Variants in ZFAND3 observed in about 807,000 individuals in gnomAD.
ZFAND3 encodes AN1-type zinc finger protein 3.
In ZFAND3, 10 loss-of-function variants were observed where a neutral mutation model predicts 29.6. The ratio of observed to expected loss-of-function variants is 0.34; its 90% CI spans 0.21 to 0.57. The LOEUF (loss-of-function observed/expected upper bound fraction) is 0.57. Among genes scored for constraint, ZFAND3 ranks in the 20% least tolerant of loss-of-function variants. The pLI is 0.86. For synonymous variants in ZFAND3, 128 were observed against 112.6 expected (o/e 1.14, Z -0.87); for missense variants, 230 against 304.5 (o/e 0.76, Z 1.82).
At chr6:38,145,767 A>AATG (rs1766092526) in intron 5 of ZFAND3, among the ~76,000 whole-genome samples, 2 of 152,186 alleles carry the variant, frequency 1.3e-5, no homozygotes, top group Admixed American at 1.3e-4. Context: ...ATGGGTCATT[A>AATG]GGGCCATAGG....
intron 2 of ZFAND3, among the ~76,000 whole-genome samples, chr6:38,000,984 A>G (rs1446953127): frequency 6.6e-6 from 1 of 152,224 alleles, no homozygotes. Context: ...TGAGAAAATT[A>G]TAGGCACTGG....
At chr6:37,825,969 A>G (rs1763753091) in intron 1 of ZFAND3, among the ~76,000 whole-genome samples, 1 of 152,218 alleles carries the variant, frequency 6.6e-6, no homozygotes, top group Non-Finnish European at 1.5e-5. Context: ...GAATTCTTGC[A>G]ATAATCACAG....
intron 2 of ZFAND3, among the ~76,000 whole-genome samples, chr6:37,977,828 T>TTTCCTTCCTTCGTTCCTTCCTTCC: frequency 1.3e-5 from 1 of 76,444 alleles, no homozygotes; most frequent in South Asian, 4.6e-4. Flanking sequence ...GTAAAATGCT[T>TTTCCTTCCTTCGTTCCTTCCTTCC]TTCCTTCCTT....
intron 2 of ZFAND3, among the ~76,000 whole-genome samples, chr6:38,012,470 C>T (rs182624928): frequency 3.3e-4 from 50 of 151,738 alleles, no homozygotes; most frequent in African/African-American, 1.2e-3. Context: ...CCTCCGCCTC[C>T]CGGGTTCAAG....
Position 38,153,215 on chromosome 6 carries a change from C to G in ZFAND3, c.*826C>G. The G allele has an allele frequency of 1.0e-6, 1 of 985,462 alleles. No individual in the cohort carries two copies. Among genetic ancestry groups the G allele is most frequent in the Non-Finnish European group, 1.2e-6 (1 of 829,942 alleles). The allele number at this position is 985,462 out of a possible 1,614,324, so 61.0% of individuals were successfully genotyped here. On this transcript the variant is annotated 3_prime_UTR_variant, in exon 6 of 6. Coordinates refer to ENST00000287218, the MANE Select transcript of ZFAND3 (RefSeq NM_021943.3). ...AGATGTGGCGAATGGCAGCACAGCG[C>G]GGTGGCTGGGTCTGCACACTGGCCT...
intron 2 of ZFAND3, among the ~76,000 whole-genome samples, chr6:38,045,854 G>C (rs143579494): frequency 6.6e-6 from 1 of 152,298 alleles, no homozygotes; most frequent in East Asian, 1.9e-4. Flanking sequence ...TAAAGACAGT[G>C]CAGATTGAAA....
chr6:38,048,347 C>T (rs941612745), intron 2 of ZFAND3, among the ~76,000 whole-genome samples: 7 of 151,656 alleles, frequency 4.6e-5, no homozygotes, highest in Non-Finnish European at 1.0e-4. Context: ...TCAGGCCGGG[C>T]GCGGTGGCTC....
chr6:38,051,809 G>GA (rs2127460280), intron 2 of ZFAND3, among the ~76,000 whole-genome samples: 1 of 152,314 alleles, frequency 6.6e-6, no homozygotes, highest in African/African-American at 2.4e-5. Flanking sequence ...TGGTTAGACT[G>GA]AAATGAGGTA....
intron 2 of ZFAND3, among the ~76,000 whole-genome samples, chr6:38,031,051 C>A (rs1763549680): frequency 6.6e-6 from 1 of 152,152 alleles, no homozygotes; most frequent in Non-Finnish European, 1.5e-5. Flanking sequence ...TGTGATAGAT[C>A]AAGGATACAA....
chr6:38,144,209 ATAATATATAATATATATATATATTT>A (rs1766043592), intron 5 of ZFAND3, among the ~76,000 whole-genome samples: 1 of 42,734 alleles, frequency 2.3e-5, no homozygotes, highest in Admixed American at 1.9e-4. Context: ...ATATATATAT[ATAATATATAATATATATATATATTT>A]TTTTTTTAAT....
chr6:37,900,770 G>A (rs977813099), intron 1 of ZFAND3, among the ~76,000 whole-genome samples: 6 of 152,116 alleles, frequency 3.9e-5, no homozygotes, highest in African/African-American at 1.2e-4. Context: ...ATCGGGTGGG[G>A]CAAGAATAAA....
At chr6:38,045,075 T>C (rs1561978638) in intron 2 of ZFAND3, among the ~76,000 whole-genome samples, 2 of 143,414 alleles carry the variant, frequency 1.4e-5, no homozygotes, top group African/African-American at 2.5e-5. Context: ...TATTTATTTA[T>C]TTATTTATTT....
At chr6:38,140,655 G>A (rs1482515486) in intron 5 of ZFAND3, among the ~76,000 whole-genome samples, 1 of 152,096 alleles carries the variant, frequency 6.6e-6, no homozygotes, top group African/African-American at 2.4e-5. Context: ...ATGCCCAGCT[G>A]TTCATGGGGT....
intron 2 of ZFAND3, among the ~76,000 whole-genome samples, chr6:38,031,757 C>T (rs1763564466): frequency 6.6e-6 from 1 of 152,124 alleles, no homozygotes; most frequent in African/African-American, 2.4e-5. Context: ...ACCCACGTAG[C>T]CATTTTAATA....
intron 1 of ZFAND3, among the ~76,000 whole-genome samples, chr6:37,912,278 C>CT (rs1423897974): frequency 1.3e-5 from 2 of 152,112 alleles, no homozygotes; most frequent in East Asian, 3.9e-4. Context: ...CCGCCAGAGT[C>CT]TTAGATGGTA....
chr6:38,025,500 A>G (rs1011733511), intron 2 of ZFAND3, among the ~76,000 whole-genome samples: 1 of 152,160 alleles, frequency 6.6e-6, no homozygotes, highest in Non-Finnish European at 1.5e-5. Flanking sequence ...ATACATGAAG[A>G]TATTGAATCT....
chr6:38,115,744 AG>A (rs1765404234), intron 4 of ZFAND3, among the ~76,000 whole-genome samples: 1 of 152,234 alleles, frequency 6.6e-6, no homozygotes, highest in Admixed American at 6.5e-5. Context: ...AGAGCTGCCC[AG>A]TTTATTGAAG....
At chr6:37,964,253 T>TAA (rs1473498164) in intron 2 of ZFAND3, among the ~76,000 whole-genome samples, 2 of 152,226 alleles carry the variant, frequency 1.3e-5, no homozygotes, top group Admixed American at 1.3e-4. Context: ...CAGGTGCATT[T>TAA]ACCTAGGTTC....
intron 1 of ZFAND3, among the ~76,000 whole-genome samples, chr6:37,876,872 T>C (rs894230751): frequency 1.3e-5 from 2 of 152,164 alleles, no homozygotes; most frequent in African/African-American, 4.8e-5. Context: ...CTAATTGAGG[T>C]TATTTTCGAT....
Sources: allele counts gnomAD v4.1 joint callset (sites outside exome capture counted in the v4.1 genomes callset), GRCh38; gene constraint gnomAD v4.1.1; transcripts MANE v1.5; gene names NCBI Gene and HGNC (gene_info 2026-07-23, HGNC 2026-07-21).